Variants in RAB40B observed in about 807,000 individuals in gnomAD.
RAB40B encodes ras-related protein Rab-40B.
Under a neutral mutation model 24.0 loss-of-function variants are expected in RAB40B, and 21 were observed. The observed-to-expected ratio is 0.88, with a 90% CI of 0.62 to 1.26. The LOEUF is 1.26. Among genes scored for constraint, RAB40B ranks in the 50% most tolerant of loss-of-function variants. RAB40B has a pLI of 0.00. For synonymous variants in RAB40B, 167 were observed against 169.8 expected, an observed-to-expected ratio of 0.98 and a Z score of 0.13; for missense variants, 348 against 390.5, an observed-to-expected ratio of 0.89 and a Z score of 0.92.
chr17:82,691,014 A>G (rs1568046234), intron 1 of RAB40B, among the ~76,000 whole-genome samples: 1 of 152,168 alleles, frequency 6.6e-6, no homozygotes, highest in Admixed American at 6.5e-5. Flanking sequence ...CCGGGAAGAA[A>G]AGCTCCCTCA....
chr17:82,658,332 C>T (rs1056923034), intron 5 of RAB40B, 159 bp downstream of exon 5: 3 of 1,074,816 alleles, frequency 2.8e-6, no homozygotes, highest in Admixed American at 5.3e-5. Flanking sequence ...AGCTTTCTGA[C>T]AAAGCTGTAG....
In RAB40B at chr17:82,663,814, C is replaced by T. The variant is rs2046207487; in HGVS notation, c.203+682G>A. ...CCCTCTTGGCATCTTCCCACAGACACCAGGCCACAGGTTCTGATCCCAAAA... is the reference window on the plus strand; with the variant it reads ...CCCTCTTGGCATCTTCCCACAGACATCAGGCCACAGGTTCTGATCCCAAAA... On this transcript the variant is annotated intron_variant, in intron 2 of 5. Coordinates refer to ENST00000571995, the MANE Select transcript of RAB40B (RefSeq NM_006822.3). The surrounding 1 kb of genome is among the most constrained non-coding windows in gnomAD (Gnocchi z 6.2). Among the ~76,000 whole-genome samples, 1 of 152,306 alleles carries T rather than the reference C, an allele frequency of 6.6e-6. No homozygotes were observed. The highest frequency in any genetic ancestry group is 1.9e-4 in the East Asian group (1 of 5,166).
At chr17:82,661,608 C>A (rs191666638) in intron 2 of RAB40B, among the ~76,000 whole-genome samples, 48 of 152,148 alleles carry the variant, frequency 3.2e-4, no homozygotes, top group African/African-American at 9.9e-4. Flanking sequence ...AATGAAAGGC[C>A]GGGCTTGGCG....
At chr17:82,691,828 G>A (rs990231821) in intron 1 of RAB40B, among the ~76,000 whole-genome samples, 4 of 152,196 alleles carry the variant, frequency 2.6e-5, no homozygotes, top group African/African-American at 9.6e-5. Context: ...GCCTGGTGAC[G>A]CCTTCCTTCT....
intron 2 of RAB40B, chr17:82,662,318 C>G: frequency 1.0e-6 from 1 of 985,482 alleles, no homozygotes; most frequent in Non-Finnish European, 1.2e-6. Context: ...GGGAGCTGCC[C>G]AAAAGCTATG....
chr17:82,666,435 G>A (rs543738157), intron 1 of RAB40B, among the ~76,000 whole-genome samples: 9 of 151,678 alleles, frequency 5.9e-5, no homozygotes, highest in African/African-American at 1.9e-4. Context: ...AGTAGAGATG[G>A]GGTTTCATCA....
intron 1 of RAB40B, among the ~76,000 whole-genome samples, chr17:82,670,866 C>T (rs1422285608): frequency 2.0e-5 from 3 of 152,046 alleles, no homozygotes; most frequent in Non-Finnish European, 2.9e-5. Flanking sequence ...CTACGAGTTT[C>T]AAAACCATCT....
intron 3 of RAB40B, 39 bp from the exon 4 acceptor site, chr17:82,659,696 A>C: frequency 3.9e-6 from 6 of 1,531,038 alleles, no homozygotes; most frequent in Non-Finnish European, 5.4e-6. Context: ...CAGAACACAG[A>C]TGCAGGCACA....
intron 1 of RAB40B, 134 bp from the exon 2 acceptor site, chr17:82,664,690 T>C: frequency 1.2e-6 from 1 of 814,772 alleles, no homozygotes; most frequent in African/African-American, 1.7e-5. Flanking sequence ...TGGGACCCCC[T>C]CCCTGTGTCT....
chr17:82,678,085 C>A (rs1426880601), intron 1 of RAB40B, among the ~76,000 whole-genome samples: 1 of 152,222 alleles, frequency 6.6e-6, no homozygotes, highest in Admixed American at 6.5e-5. Context: ...ATTGATGGAG[C>A]CATTTTGTTT....
chr17:82,685,883 A>G (rs1194836097), intron 1 of RAB40B, among the ~76,000 whole-genome samples: 9 of 150,874 alleles, frequency 6.0e-5, no homozygotes, highest in African/African-American at 2.2e-4. Context: ...AGCTCACTGC[A>G]ACCTCCACCT....
intron 1 of RAB40B, among the ~76,000 whole-genome samples, chr17:82,671,510 C>T (rs970878867): frequency 2.2e-4 from 28 of 129,826 alleles, no homozygotes; most frequent in South Asian, 5.5e-4. Context: ...ACTGACACAC[C>T]CCACCCCTGT....
chr17:82,681,395 C>CAGGA (rs550846964), intron 1 of RAB40B, among the ~76,000 whole-genome samples: 34 of 152,246 alleles, frequency 2.2e-4, no homozygotes, highest in African/African-American at 6.0e-4. Context: ...TCTCCTAATA[C>CAGGA]AGGAAGCAGT....
intron 1 of RAB40B, among the ~76,000 whole-genome samples, chr17:82,694,599 C>T (rs996910641): frequency 2.0e-5 from 3 of 151,528 alleles, no homozygotes; most frequent in Admixed American, 2.0e-4. Context: ...TACGTTCATA[C>T]TAAAAGTTTA....
Position 82,667,704 on chromosome 17 carries a change from C to G in RAB40B, c.143-3148G>C, listed in dbSNP as rs1203142439. Among the ~76,000 whole-genome samples, 1 of 152,148 alleles carries G rather than the reference C, an allele frequency of 6.6e-6. No homozygotes were observed. The highest frequency in any genetic ancestry group is 1.5e-5 in the Non-Finnish European group (1 of 68,034). On this transcript the variant is annotated intron_variant, in intron 1 of 5. Transcript: ENST00000571995. The surrounding 1 kb of genome is among the most constrained non-coding windows in gnomAD (Gnocchi z 4.3). ...TTAGACCAAGCAACACCAGAGCAAA[C>G]TCCCCCCGTCAGAGGAGAGTGATTC...
intron 1 of RAB40B, among the ~76,000 whole-genome samples, chr17:82,674,648 A>AAAAAAG (rs2046378591): frequency 6.6e-6 from 1 of 151,524 alleles, no homozygotes; most frequent in African/African-American, 2.4e-5. Flanking sequence ...AAAAAAAAAA[A>AAAAAAG]AAAAGAAAAG....
chr17:82,674,887 A>C (rs1290269776), intron 1 of RAB40B, among the ~76,000 whole-genome samples: 1 of 152,058 alleles, frequency 6.6e-6, no homozygotes, highest in Non-Finnish European at 1.5e-5. Flanking sequence ...GAGAAAGAAC[A>C]ACACGAGATA....
At chr17:82,672,560 C>T (rs1018208043) in intron 1 of RAB40B, among the ~76,000 whole-genome samples, 1 of 152,184 alleles carries the variant, frequency 6.6e-6, no homozygotes, top group Non-Finnish European at 1.5e-5. Flanking sequence ...GGGGCCTTTG[C>T]CAAGTAATTA....
chr17:82,684,952 A>G (rs1239869282), intron 1 of RAB40B, among the ~76,000 whole-genome samples: 2 of 151,734 alleles, frequency 1.3e-5, no homozygotes, highest in Non-Finnish European at 1.5e-5. Flanking sequence ...CATCTCTACT[A>G]AAAATAGAAA....
Sources: allele counts gnomAD v4.1 joint callset (sites outside exome capture counted in the v4.1 genomes callset), GRCh38; gene constraint gnomAD v4.1.1; non-coding constraint Gnocchi (gnomAD v3.1); transcripts MANE v1.5; gene names NCBI Gene and HGNC (gene_info 2026-07-23, HGNC 2026-07-21).